The following LRRN2 variants were observed in gnomAD, a reference collection of about 807,000 sequenced individuals.
LRRN2 encodes leucine rich repeat neuronal 2.
LRRN2 carries 10 observed loss-of-function variants against 35.7 expected under a neutral mutation model. The ratio of observed to expected loss-of-function variants is 0.28; its 90% CI spans 0.17 to 0.47. LRRN2 has a LOEUF of 0.47. LRRN2 is among the 20% of genes least tolerant of loss of function. The pLI, the probability that LRRN2 is intolerant of heterozygous loss-of-function variation, is 0.99. For missense variants in LRRN2, 731 were observed against 940.3 expected (o/e 0.78, Z 2.91); for synonymous variants, 391 against 409.6 (o/e 0.95, Z 0.55).
At chr1:204,627,176 A>C (rs1272483452) in intron 1 of LRRN2, 1 of 152,174 alleles carries the variant, frequency 6.6e-6, no homozygotes, top group Non-Finnish European at 1.5e-5. Context: ...TCCTTCTGTG[A>C]GGGACATACT....
Position 204,619,181 on chromosome 1 carries a change from T to G in LRRN2, c.812A>C (p.Asn271Thr), listed in dbSNP as rs1571597450. 6.2e-7 allele frequency: 1 copy of G among 1,613,796 alleles called. No homozygotes were observed. The highest frequency in any genetic ancestry group is 8.5e-7 in the Non-Finnish European group (1 of 1,179,954). ...CCCCGGCCCTACCCGCTGGAGCGGG[T>G]TCTTGTTGAGGTCTAGGAACTTGAG... ...PGLKFLDLNK[N>T]PLQRVGPGDF... Residue 271 changes from asparagine to threonine, a missense_variant, in exon 2 of 2, where the codon AAC becomes ACC. Asn to Thr is a moderately conservative substitution (Grantham distance 65). Transcript: ENST00000367177.
Position 204,619,949 on chromosome 1 carries a change from C to T in LRRN2, c.44G>A (p.Gly15Asp). 5.6e-6 allele frequency: 9 copies of T among 1,612,834 alleles called. No homozygotes were observed. Among genetic ancestry groups the T allele is most frequent in the Non-Finnish European group, 5.9e-6 (7 of 1,179,724 alleles). ...VAPLLLAWVA[G>D]ATAAVPVVPW... ...TACCACGGGCACAGCGGCAGTGGCA[C>T]CAGCCACCCAAGCTAGCAAGAGTGG... The change falls in exon 2 of 2, where the codon GGT becomes GAT. Residue 15 changes from glycine (G) to aspartate (D), a missense_variant. Transcript: ENST00000367177.
At chr1:204,622,642 G>C (rs966016570) in intron 1 of LRRN2, among the ~76,000 whole-genome samples, 7 of 152,052 alleles carry the variant, frequency 4.6e-5, no homozygotes, top group Non-Finnish European at 1.0e-4. Context: ...ATTTTGTGGT[G>C]GTCTAGGTGG....
intron 1 of LRRN2, among the ~76,000 whole-genome samples, chr1:204,682,140 A>G (rs1410725239): frequency 3.9e-5 from 6 of 152,212 alleles, no homozygotes; most frequent in African/African-American, 1.2e-4. Context: ...TGGGCCATAG[A>G]TCAAGCTTCT....
intron 1 of LRRN2, among the ~76,000 whole-genome samples, chr1:204,660,575 ACACACTCT>A (rs1474105097): frequency 7.8e-5 from 11 of 140,432 alleles, no homozygotes; most frequent in African/African-American, 1.6e-4. Context: ...ACACACACAC[ACACACTCT>A]CTCTCTCTCT....
chr1:204,679,548 C>T (rs966589577), intron 1 of LRRN2, among the ~76,000 whole-genome samples: 1 of 152,188 alleles, frequency 6.6e-6, no homozygotes, highest in African/African-American at 2.4e-5. Context: ...ATGTTTTTCC[C>T]TGAAGAAGCT....
chr1:204,654,367 T>C (rs570433041), intron 1 of LRRN2, among the ~76,000 whole-genome samples: 57 of 152,282 alleles, frequency 3.7e-4, no homozygotes, highest in African/African-American at 1.4e-3. Context: ...TTAATGAAAA[T>C]CAGAAGGCTT....
chr1:204,632,672 C>G (rs529885974), intron 1 of LRRN2, among the ~76,000 whole-genome samples: 1 of 150,204 alleles, frequency 6.7e-6, no homozygotes, highest in South Asian at 2.1e-4. Flanking sequence ...TGGCCCACAC[C>G]TGTAATCCCA....
intron 1 of LRRN2, among the ~76,000 whole-genome samples, chr1:204,659,892 C>G (rs748632809): frequency 4.6e-5 from 7 of 152,188 alleles, no homozygotes; most frequent in Non-Finnish European, 8.8e-5. Flanking sequence ...GTAGATAAGA[C>G]AGAGACCCAG....
chr1:204,670,015 T>G (rs992231344), intron 1 of LRRN2, among the ~76,000 whole-genome samples: 1 of 151,804 alleles, frequency 6.6e-6, no homozygotes, highest in African/African-American at 2.4e-5. Flanking sequence ...CGTTTTTTTT[T>G]TTGTTTGTTT....
chr1:204,672,334 T>A (rs962321923), intron 1 of LRRN2, among the ~76,000 whole-genome samples: 2 of 152,124 alleles, frequency 1.3e-5, no homozygotes, highest in African/African-American at 4.8e-5. Context: ...TTCTCATAGA[T>A]TAAAAATAGA....
chr1:204,659,961 C>G (rs1345670330), intron 1 of LRRN2, among the ~76,000 whole-genome samples: 2 of 152,192 alleles, frequency 1.3e-5, no homozygotes, highest in Non-Finnish European at 2.9e-5. Context: ...AAGCCATCAT[C>G]CAGATATTTT....
chr1:204,654,565 C>A (rs1377014132), intron 1 of LRRN2, among the ~76,000 whole-genome samples: 6 of 152,186 alleles, frequency 3.9e-5, no homozygotes, highest in Non-Finnish European at 8.8e-5. Flanking sequence ...TTTGCATCCC[C>A]TGATCAAAAA....
At chr1:204,663,491 T>G (rs1033711333) in intron 1 of LRRN2, among the ~76,000 whole-genome samples, 1 of 152,150 alleles carries the variant, frequency 6.6e-6, no homozygotes, top group Non-Finnish European at 1.5e-5. Context: ...TGTCTGCTTG[T>G]GCATGCACAT....
chr1:204,652,599 G>A (rs1470124611), intron 1 of LRRN2, among the ~76,000 whole-genome samples: 1 of 152,138 alleles, frequency 6.6e-6, no homozygotes, highest in Non-Finnish European at 1.5e-5. Flanking sequence ...CCCACATGGA[G>A]TAGGTACTGG....
At chr1:204,633,514 A>G (rs1667759589) in intron 1 of LRRN2, among the ~76,000 whole-genome samples, 1 of 152,196 alleles carries the variant, frequency 6.6e-6, no homozygotes, top group South Asian at 2.1e-4. Flanking sequence ...AATGGTAGTC[A>G]TTGACTGAGC....
intron 1 of LRRN2, among the ~76,000 whole-genome samples, chr1:204,639,679 G>A (rs994397014): frequency 8.5e-5 from 13 of 152,160 alleles, no homozygotes; most frequent in Non-Finnish European, 1.6e-4. Flanking sequence ...AATGACATAT[G>A]CCTTGTATAG....
intron 1 of LRRN2, among the ~76,000 whole-genome samples, chr1:204,662,988 G>A (rs1012281930): frequency 1.3e-5 from 2 of 152,168 alleles, no homozygotes; most frequent in African/African-American, 4.8e-5. Context: ...TGAGCAGCTC[G>A]AGATTACATA....
At chr1:204,660,708 G>A (rs1018431374) in intron 1 of LRRN2, among the ~76,000 whole-genome samples, 9 of 152,154 alleles carry the variant, frequency 5.9e-5, no homozygotes, top group African/African-American at 2.2e-4. Context: ...GTGGTGGCAG[G>A]GAGAGGCCTA....
Sources: allele counts gnomAD v4.1 joint callset (sites outside exome capture counted in the v4.1 genomes callset), GRCh38; gene constraint gnomAD v4.1.1; transcripts MANE v1.5; gene names NCBI Gene and HGNC (gene_info 2026-07-23, HGNC 2026-07-21).